The following ARGFX variants were observed in gnomAD, a reference collection of about 807,000 sequenced individuals.
The protein encoded by ARGFX is arginine-fifty homeobox.
ARGFX carries 10 observed loss-of-function variants against 8.0 expected under a neutral mutation model. That is an observed-to-expected ratio of 1.25 (90% CI 0.77 to 2.12). The LOEUF is 2.12. Among genes scored for constraint, ARGFX ranks in the 30% most tolerant of loss-of-function variants. The pLI is 0.00. For synonymous variants in ARGFX, 116 were observed against 117.8 expected, an observed-to-expected ratio of 0.98 and a Z score of 0.10; for missense variants, 282 against 324.3, an observed-to-expected ratio of 0.87 and a Z score of 1.00.
chr3:121,583,062 C>T (rs1352286673), intron 3 of ARGFX, among the ~76,000 whole-genome samples: 2 of 122,876 alleles, frequency 1.6e-5, no homozygotes, highest in Non-Finnish European at 3.2e-5. Flanking sequence ...CAGAATCTTG[C>T]TCTGTCACCC....
chr3:121,577,994 C>T (rs1419293843), intron 3 of ARGFX, among the ~76,000 whole-genome samples: 1 of 151,910 alleles, frequency 6.6e-6, no homozygotes, highest in Non-Finnish European at 1.5e-5. Context: ...CCATGTTGGC[C>T]AGGCTGGTCT....
chr3:121,569,479 C>T (rs2048694536), intron 1 of ARGFX, among the ~76,000 whole-genome samples: 2 of 151,224 alleles, frequency 1.3e-5, no homozygotes, highest in South Asian at 4.2e-4. Flanking sequence ...GATTCTTCTG[C>T]CTCAGCCTCC....
chr3:121,578,672 C>CT (rs34085338), intron 3 of ARGFX, among the ~76,000 whole-genome samples: 144 of 140,116 alleles, frequency 1.0e-3, no homozygotes, highest in African/African-American at 1.1e-3. Context: ...ATAGTTTTAT[C>CT]TTTTTTTTTT....
intron 3 of ARGFX, among the ~76,000 whole-genome samples, chr3:121,582,487 T>C (rs1358767163): frequency 6.6e-6 from 1 of 152,160 alleles, no homozygotes; most frequent in Non-Finnish European, 1.5e-5. Context: ...CACATATATA[T>C]ATGAACTGAA....
chr3:121,572,069 T>C (rs1479267719), intron 2 of ARGFX, among the ~76,000 whole-genome samples: 1 of 151,920 alleles, frequency 6.6e-6, no homozygotes, highest in East Asian at 1.9e-4. Flanking sequence ...TGACCTCTGG[T>C]GATCCACCTG....
intron 3 of ARGFX, among the ~76,000 whole-genome samples, chr3:121,578,701 C>T (rs1181830115): frequency 6.7e-6 from 1 of 148,258 alleles, no homozygotes; most frequent in African/African-American, 2.5e-5. Context: ...AACAGAGTCT[C>T]GCTCTGTTGC....
chr3:121,582,509 T>C (rs1298690127), intron 3 of ARGFX, among the ~76,000 whole-genome samples: 2 of 152,138 alleles, frequency 1.3e-5, no homozygotes, highest in Admixed American at 1.3e-4. Context: ...AAATAAGATA[T>C]TATAAGTTTA....
chr3:121,580,606 A>ATATATATTT (rs1227697987), intron 3 of ARGFX, among the ~76,000 whole-genome samples: 3 of 115,194 alleles, frequency 2.6e-5, no homozygotes, highest in Admixed American at 1.1e-4. Flanking sequence ...ATATATATAT[A>ATATATATTT]TTTTTTTTTT....
At chr3:121,568,565 A>G (rs781630370) in intron 1 of ARGFX, among the ~76,000 whole-genome samples, 1 of 152,184 alleles carries the variant, frequency 6.6e-6, no homozygotes, top group East Asian at 1.9e-4. Context: ...CCATCCCAGG[A>G]AAGTGGGCCA....
intron 3 of ARGFX, among the ~76,000 whole-genome samples, chr3:121,577,247 ATATATATATATATTTTT>A (rs1256771278): frequency 3.8e-5 from 2 of 52,140 alleles, no homozygotes; most frequent in Non-Finnish European, 7.4e-5. Context: ...ATATATATAT[ATATATATATATATTTTT>A]TTTTTTTTAA....
rs869249692 is a variant in ARGFX at position 121,577,259 on chromosome 3, A to AT, written c.220+372dup. Among the ~76,000 whole-genome samples the AT allele has an allele frequency of 2.6e-3, 152 of 59,556 alleles. 2 individuals are homozygous for AT. Among genetic ancestry groups the AT allele is most frequent in the East Asian group, 9.7e-3 (14 of 1,438 alleles). 39.1% of individuals were successfully genotyped at this position (59,556 alleles called of 152,430 possible). The stretch of plus-strand genomic sequence containing the variant: ...TATATATATATATATATATATATAT[A>AT]TTTTTTTTTTTTTAAATGGAGTCTC... On this transcript the variant is annotated intron_variant, in intron 3 of 4. Coordinates refer to ENST00000334384, the MANE Select transcript of ARGFX (RefSeq NM_001012659.2).
chr3:121,574,603 A>G (rs1272124415), intron 2 of ARGFX, among the ~76,000 whole-genome samples: 1 of 152,198 alleles, frequency 6.6e-6, no homozygotes, highest in East Asian at 1.9e-4. Flanking sequence ...CAGGAGGCGG[A>G]GCTCTGGCAA....
At chr3:121,569,766 C>G (rs2048696787) in intron 1 of ARGFX, among the ~76,000 whole-genome samples, 1 of 152,152 alleles carries the variant, frequency 6.6e-6, no homozygotes, top group South Asian at 2.1e-4. Context: ...TTTACCCATG[C>G]AGGATTTTGT....
At chr3:121,572,892 T>C (rs1042551025) in intron 2 of ARGFX, among the ~76,000 whole-genome samples, 51 of 152,230 alleles carry the variant, frequency 3.4e-4, no homozygotes, top group African/African-American at 7.9e-4. Flanking sequence ...GGCCATTCAA[T>C]TGGGAGAGGA....
At chr3:121,574,257 G>T (rs1010874881) in intron 2 of ARGFX, among the ~76,000 whole-genome samples, 2 of 152,206 alleles carry the variant, frequency 1.3e-5, no homozygotes, top group African/African-American at 4.8e-5. Context: ...TGGCACCAGG[G>T]ACTGGTTTGT....
chr3:121,576,313 A>G (rs2048735807), intron 2 of ARGFX, among the ~76,000 whole-genome samples: 1 of 152,090 alleles, frequency 6.6e-6, no homozygotes. Flanking sequence ...CAGTGGCTAA[A>G]GTGTGTCTAT....
chr3:121,574,473 C>CAGTGA (rs2048725273), intron 2 of ARGFX, among the ~76,000 whole-genome samples: 1 of 152,162 alleles, frequency 6.6e-6, no homozygotes, highest in African/African-American at 2.4e-5. Flanking sequence ...TGATGGGAGA[C>CAGTGA]AGTGACAGAT....
At chr3:121,584,268 A>AAGGAAGGAAGGAAGGG (rs1560122481) in intron 3 of ARGFX, among the ~76,000 whole-genome samples, 1 of 150,662 alleles carries the variant, frequency 6.6e-6, no homozygotes, top group Non-Finnish European at 1.5e-5. Context: ...GGAAGGAAGG[A>AAGGAAGGAAGGAAGGG]AAGAAAAGAA....
intron 3 of ARGFX, among the ~76,000 whole-genome samples, chr3:121,577,877 T>G (rs1027597345): frequency 6.6e-6 from 1 of 150,602 alleles, no homozygotes; most frequent in Admixed American, 6.6e-5. Context: ...TTCTGCCTCC[T>G]GGGGTTCAAG....
Sources: allele counts gnomAD v4.1 joint callset (sites outside exome capture counted in the v4.1 genomes callset), GRCh38; gene constraint gnomAD v4.1.1; transcripts MANE v1.5; gene names NCBI Gene and HGNC (gene_info 2026-07-23, HGNC 2026-07-21).